Variants in PRIM2 observed in about 807,000 individuals in gnomAD.
PRIM2 encodes DNA primase large subunit.
Under a neutral mutation model 67.3 loss-of-function variants are expected in PRIM2, and 39 were observed. The observed-to-expected ratio is 0.58, with a 90% CI of 0.45 to 0.76. The LOEUF (loss-of-function observed/expected upper bound fraction) is 0.76. Among genes scored for constraint, PRIM2 ranks in the 30% least tolerant of loss-of-function variants. PRIM2 has a pLI of 0.00. For synonymous variants in PRIM2, 143 were observed against 198.7 expected, an observed-to-expected ratio of 0.72 and a Z score of 2.36; for missense variants, 398 against 598.7, an observed-to-expected ratio of 0.66 and a Z score of 3.50.
intron 11 of PRIM2, among the ~76,000 whole-genome samples, chr6:57,601,558 T>C (rs1776467680): frequency 6.6e-6 from 1 of 152,234 alleles, no homozygotes; most frequent in Non-Finnish European, 1.5e-5. Context: ...CAAAGCTTTT[T>C]GAAATTAGAA....
At chr6:57,328,236 A>T (rs1767939920) in intron 5 of PRIM2, among the ~76,000 whole-genome samples, 1 of 152,164 alleles carries the variant, frequency 6.6e-6, no homozygotes, top group Admixed American at 6.5e-5. Flanking sequence ...ACCCTTTTAC[A>T]ATGTATAATT....
At chr6:57,368,370 T>A (rs1481345802) in intron 5 of PRIM2, among the ~76,000 whole-genome samples, 1 of 152,202 alleles carries the variant, frequency 6.6e-6, no homozygotes, top group Non-Finnish European at 1.5e-5. Flanking sequence ...CACTGGCAAG[T>A]AATGTACATA....
At chr6:57,335,133 C>A (rs992392919) in intron 5 of PRIM2, among the ~76,000 whole-genome samples, 1 of 152,198 alleles carries the variant, frequency 6.6e-6, no homozygotes, top group East Asian at 1.9e-4. Context: ...CACTCCCACC[C>A]GAATACTGTG....
intron 7 of PRIM2, among the ~76,000 whole-genome samples, chr6:57,490,592 T>C (rs1314865024): frequency 6.6e-6 from 1 of 152,128 alleles, no homozygotes; most frequent in East Asian, 1.9e-4. Flanking sequence ...AGTAGCAGTG[T>C]TAACAAACAA....
chr6:57,526,262 A>G (rs1429324393), intron 8 of PRIM2, among the ~76,000 whole-genome samples: 3 of 152,186 alleles, frequency 2.0e-5, no homozygotes, highest in Non-Finnish European at 4.4e-5. Context: ...CTACTTTTCT[A>G]TAACTTGAGA....
At chr6:57,340,675 C>G (rs374600267) in intron 5 of PRIM2, among the ~76,000 whole-genome samples, 2 of 151,570 alleles carry the variant, frequency 1.3e-5, no homozygotes, top group Admixed American at 6.6e-5. Context: ...ATGGACACAG[C>G]AAGGGGAACA....
chr6:57,319,235 G>C (rs1471986277), intron 2 of PRIM2, among the ~76,000 whole-genome samples: 2 of 152,188 alleles, frequency 1.3e-5, no homozygotes, highest in African/African-American at 4.8e-5. Flanking sequence ...TATGATATTG[G>C]GGTGTAAGAA....
intron 5 of PRIM2, among the ~76,000 whole-genome samples, chr6:57,335,716 C>T (rs1033030669): frequency 6.6e-6 from 1 of 152,168 alleles, no homozygotes; most frequent in Non-Finnish European, 1.5e-5. Flanking sequence ...ATCTGTACAC[C>T]ATCATCAAAG....
chr6:57,333,149 C>T (rs1172950002), intron 5 of PRIM2, among the ~76,000 whole-genome samples: 1 of 152,110 alleles, frequency 6.6e-6, no homozygotes, highest in African/African-American at 2.4e-5. Context: ...TTCCCATATG[C>T]TCTGTTCCCT....
chr6:57,400,727 A>G (rs1425670409), intron 7 of PRIM2, among the ~76,000 whole-genome samples: 1 of 152,184 alleles, frequency 6.6e-6, no homozygotes, highest in Non-Finnish European at 1.5e-5. Context: ...CTTCGCTTTC[A>G]GGGATAAAAG....
chr6:57,635,370 A>C (rs1777101554), intron 13 of PRIM2, among the ~76,000 whole-genome samples: 1 of 152,366 alleles, frequency 6.6e-6, no homozygotes, highest in South Asian at 2.1e-4. Context: ...TTCATTTAGT[A>C]GATGTTAAAA....
intron 12 of PRIM2, among the ~76,000 whole-genome samples, chr6:57,613,446 C>G (rs1776700546): frequency 2.0e-5 from 3 of 152,118 alleles, no homozygotes; most frequent in Admixed American, 1.3e-4. Flanking sequence ...TGGTCATGTG[C>G]CTAATGGATA....
intron 10 of PRIM2, among the ~76,000 whole-genome samples, chr6:57,557,222 C>T (rs1775529588): frequency 7.3e-6 from 1 of 137,394 alleles, no homozygotes; most frequent in African/African-American, 2.8e-5. Flanking sequence ...GGCAATTCCT[C>T]AAAGAGCTAA....
At chr6:57,425,727 A>G (rs1180145279) in intron 7 of PRIM2, among the ~76,000 whole-genome samples, 1 of 152,192 alleles carries the variant, frequency 6.6e-6, no homozygotes, top group Non-Finnish European at 1.5e-5. Context: ...CTAGGAATAG[A>G]ATTAGAAGGT....
At chr6:57,422,763 G>GT (rs1012701404) in intron 7 of PRIM2, among the ~76,000 whole-genome samples, 7 of 151,708 alleles carry the variant, frequency 4.6e-5, no homozygotes, top group African/African-American at 9.7e-5. Context: ...TGCTAAACAG[G>GT]TTTTTTTTCC....
intron 7 of PRIM2, among the ~76,000 whole-genome samples, chr6:57,476,889 AG>A (rs1773490616): frequency 6.6e-6 from 1 of 152,188 alleles, no homozygotes; most frequent in African/African-American, 2.4e-5. Context: ...GTGGGATTAC[AG>A]GCATGAGCCA....
the PRIM2 span, among the ~76,000 whole-genome samples, chr6:57,256,526 G>C: frequency 6.6e-6 from 1 of 151,824 alleles, no homozygotes; most frequent in Admixed American, 6.6e-5. Flanking sequence ...TGGTTTAATT[G>C]GCTCTAAATT....
At chr6:57,613,918 C>G (rs1776708183) in intron 12 of PRIM2, among the ~76,000 whole-genome samples, 1 of 152,116 alleles carries the variant, frequency 6.6e-6, no homozygotes. Flanking sequence ...ATGGTGCGAT[C>G]TCTGCTCACT....
intron 7 of PRIM2, among the ~76,000 whole-genome samples, chr6:57,398,740 T>G (rs1770607013): frequency 6.6e-6 from 1 of 152,148 alleles, no homozygotes. Context: ...ATACTGTTGG[T>G]GGAATGTTGA....
Sources: allele counts gnomAD v4.1 joint callset (sites outside exome capture counted in the v4.1 genomes callset), GRCh38; gene constraint gnomAD v4.1.1; transcripts MANE v1.5; gene names NCBI Gene and HGNC (gene_info 2026-07-23, HGNC 2026-07-21).